RIC3: variants seen among roughly 807,000 people sequenced by gnomAD.
RIC3 encodes the protein protein RIC-3.
A neutral mutation model predicts 27.3 loss-of-function variants in RIC3; 28 were observed. The ratio of observed to expected loss-of-function variants is 1.02; its 90% CI spans 0.76 to 1.41. RIC3 has a LOEUF of 1.41. Ranked by LOEUF, RIC3 falls within the 40% of genes most tolerant of loss-of-function variation. The pLI, the probability that RIC3 is intolerant of heterozygous loss-of-function variation, is 0.00. For missense variants in RIC3, 501 were observed against 444.7 expected, an observed-to-expected ratio of 1.13 and a Z score of -1.14; for synonymous variants, 184 against 160.4, an observed-to-expected ratio of 1.15 and a Z score of -1.11.
intron 1 of RIC3, among the ~76,000 whole-genome samples, chr11:8,143,254 G>A (rs751961302): frequency 0.053 from 7,813 of 148,400 alleles, 30 homozygotes; most frequent in South Asian, 0.08. Context: ...GTTTGCAGAC[G>A]ACATGACTGT....
intron 4 of RIC3, among the ~76,000 whole-genome samples, chr11:8,134,037 G>A (rs756403080): frequency 1.5e-4 from 22 of 151,168 alleles, no homozygotes; most frequent in Non-Finnish European, 2.9e-4. Flanking sequence ...GGGTACATGT[G>A]CACAATGTGC....
At chr11:8,136,802 CAT>C (rs1330047416) in intron 4 of RIC3, among the ~76,000 whole-genome samples, 5 of 152,274 alleles carry the variant, frequency 3.3e-5, no homozygotes, top group African/African-American at 1.2e-4. Flanking sequence ...TTTCTTAAAT[CAT>C]AGTTATTTCA....
rs11041758 is a variant in RIC3, at chr11:8,132,432, G to C, written c.521+4946C>G. Among the ~76,000 whole-genome samples the C allele has an allele frequency of 2.6e-5, 4 of 152,080 alleles. No individual in the cohort carries two copies. In the East Asian group the frequency reaches 7.7e-4, roughly 29 times the overall value. ...TGTGGGGGAAGAGAGGACCAAAATC[G>C]TAAGGACAGAAATCAGGACACCTCA... On this transcript the variant is annotated intron_variant, in intron 4 of 5. Transcript: ENST00000309737.
chr11:8,100,987 T>C, the RIC3 span: 5 of 1,614,152 alleles, frequency 3.1e-6, no homozygotes, highest in Non-Finnish European at 4.2e-6. Flanking sequence ...AGATCATCCA[T>C]GGCAATGACC....
the RIC3 span, among the ~76,000 whole-genome samples, chr11:8,099,656 T>C: frequency 3.3e-5 from 5 of 152,164 alleles, no homozygotes; most frequent in Admixed American, 6.5e-5. Context: ...ATGAAACAGA[T>C]CTATCAGTGA....
chr11:8,157,165 A>C (rs1472562125), intron 1 of RIC3, among the ~76,000 whole-genome samples: 4 of 152,220 alleles, frequency 2.6e-5, no homozygotes, highest in Non-Finnish European at 5.9e-5. Context: ...AAGACCACTC[A>C]GTAATCTGTC....
chr11:8,133,812 T>C (rs1028421740), intron 4 of RIC3, among the ~76,000 whole-genome samples: 7 of 152,086 alleles, frequency 4.6e-5, no homozygotes, highest in Non-Finnish European at 8.8e-5. Context: ...GGGCTATAGA[T>C]AGATGATGTA....
At chr11:8,155,084 G>C (rs533287379) in intron 1 of RIC3, among the ~76,000 whole-genome samples, 2 of 152,056 alleles carry the variant, frequency 1.3e-5, no homozygotes, top group African/African-American at 4.8e-5. Flanking sequence ...AGCCGGGTGT[G>C]GTGGCATGCA....
At chr11:8,154,348 A>G (rs1950486585) in intron 1 of RIC3, among the ~76,000 whole-genome samples, 1 of 152,212 alleles carries the variant, frequency 6.6e-6, no homozygotes, top group Non-Finnish European at 1.5e-5. Flanking sequence ...AACAACATAT[A>G]ATATTGCCTT....
At chr11:8,133,177 G>A (rs186944160) in intron 4 of RIC3, among the ~76,000 whole-genome samples, 1 of 152,110 alleles carries the variant, frequency 6.6e-6, no homozygotes, top group Non-Finnish European at 1.5e-5. Flanking sequence ...GTATGTGCTT[G>A]CTTGCCCTTC....
chr11:8,153,656 C>G (rs1324196773), intron 1 of RIC3, among the ~76,000 whole-genome samples: 1 of 152,152 alleles, frequency 6.6e-6, no homozygotes, highest in Non-Finnish European at 1.5e-5. Flanking sequence ...CTTCAGCAAA[C>G]TCATTTATTC....
In RIC3 at chr11:8,126,644, G is replaced by A; in HGVS notation, c.670+15C>T. ...GGGCTGACAGCTAACAAAAAAATGA[G>A]AAGACACTGTTTACCTTCCCAGTCC... On this transcript the variant is annotated intron_variant, in intron 5 of 5. Coordinates refer to ENST00000309737, the MANE Select transcript of RIC3 (RefSeq NM_001206671.4). The A allele has an allele frequency of 6.2e-7, 1 of 1,612,886 alleles. No individual in the cohort carries two copies. The highest frequency in any genetic ancestry group is 2.2e-5 in the East Asian group (1 of 44,844).
intron 4 of RIC3, among the ~76,000 whole-genome samples, chr11:8,131,762 G>T (rs961369107): frequency 6.6e-6 from 1 of 151,760 alleles, no homozygotes; most frequent in Non-Finnish European, 1.5e-5. Context: ...TTAGCCAGGC[G>T]TGGTGGCACA....
the RIC3 span, chr11:8,100,442 C>A: frequency 2.2e-6 from 3 of 1,345,194 alleles, no homozygotes; most frequent in Admixed American, 3.5e-5. Flanking sequence ...CCCGTCCCCC[C>A]CACCTTCTCC....
intron 1 of RIC3, among the ~76,000 whole-genome samples, chr11:8,153,820 C>T (rs191006142): frequency 3.4e-3 from 523 of 152,324 alleles, no homozygotes; most frequent in Middle Eastern, 0.014. Flanking sequence ...CCTCCTAAAA[C>T]CTGCTCTCCT....
chr11:8,113,190 A>G (rs771164096), intron 5 of RIC3, among the ~76,000 whole-genome samples: 2 of 152,262 alleles, frequency 1.3e-5, no homozygotes, highest in African/African-American at 2.4e-5. Flanking sequence ...GCTGCTTGCT[A>G]GTCAGCTCCC....
intron 1 of RIC3, among the ~76,000 whole-genome samples, chr11:8,167,002 G>T (rs1365578205): frequency 6.6e-6 from 1 of 152,158 alleles, no homozygotes; most frequent in Non-Finnish European, 1.5e-5. Flanking sequence ...AATGGTGTAT[G>T]TAACCCCAAA....
At chr11:8,147,364 G>A (rs1214081188) in intron 1 of RIC3, among the ~76,000 whole-genome samples, 1 of 151,928 alleles carries the variant, frequency 6.6e-6, no homozygotes, top group Non-Finnish European at 1.5e-5. Context: ...TAAATTAACT[G>A]AGATCTGTCT....
intron 1 of RIC3, among the ~76,000 whole-genome samples, chr11:8,156,238 C>T (rs1057244689): frequency 1.3e-5 from 2 of 152,214 alleles, no homozygotes; most frequent in Admixed American, 6.5e-5. Context: ...ATAGTTTCCA[C>T]TGATGACAAG....
Sources: gnomAD v4.1 joint callset for allele counts (sites outside exome capture counted in the v4.1 genomes callset) on GRCh38, gnomAD v4.1.1 for gene constraint, MANE v1.5 for transcripts, NCBI Gene and HGNC (gene_info 2026-07-23, HGNC 2026-07-21) for gene names.